The following NARS2 variants were observed in gnomAD, a reference collection of about 807,000 sequenced individuals.
NARS2 encodes asparaginyl-tRNA synthetase.
A neutral mutation model predicts 62.9 loss-of-function variants in NARS2; 60 were observed. The ratio of observed to expected loss-of-function variants is 0.95; its 90% confidence interval spans 0.77 to 1.18. The LOEUF (loss-of-function observed/expected upper bound fraction) is 1.18. Ranked by LOEUF, NARS2 falls within the 50% of genes most tolerant of loss-of-function variation. NARS2 has a pLI of 0.00. For missense variants in NARS2, 619 were observed against 576.4 expected (o/e 1.07, Z -0.76); for synonymous variants, 196 against 200.0 (o/e 0.98, Z 0.17).
At chr11:78,450,662 TTGTC>T (rs1305585801) in intron 11 of NARS2, among the ~76,000 whole-genome samples, 7 of 147,844 alleles carry the variant, frequency 4.7e-5, no homozygotes, top group Non-Finnish European at 5.9e-5. Flanking sequence ...CACAAAAGCC[TTGTC>T]TTTTTTTTTT....
At chr11:78,515,489 T>C (rs1176152213) in intron 6 of NARS2, among the ~76,000 whole-genome samples, 1 of 152,176 alleles carries the variant, frequency 6.6e-6, no homozygotes, top group African/African-American at 2.4e-5. Flanking sequence ...TATACAACTT[T>C]GTGATCATAG....
At chr11:78,482,663 AC>A (rs2135281863) in intron 7 of NARS2, among the ~76,000 whole-genome samples, 1 of 152,328 alleles carries the variant, frequency 6.6e-6, no homozygotes, top group South Asian at 2.1e-4. Flanking sequence ...AAATTCCTGG[AC>A]ATATACGCCC....
At chr11:78,512,160 T>C (rs1860743914) in intron 6 of NARS2, among the ~76,000 whole-genome samples, 1 of 152,246 alleles carries the variant, frequency 6.6e-6, no homozygotes, top group Non-Finnish European at 1.5e-5. Context: ...GTCTTCAAAC[T>C]CTGACAGTTA....
intron 7 of NARS2, among the ~76,000 whole-genome samples, chr11:78,487,430 G>A (rs1407189304): frequency 1.3e-5 from 2 of 151,270 alleles, no homozygotes; most frequent in South Asian, 2.2e-4. Flanking sequence ...AGACAGACTC[G>A]TTAATAATAA....
At chr11:78,437,230 G>C (rs1054337167) in intron 13 of NARS2, among the ~76,000 whole-genome samples, 1 of 152,142 alleles carries the variant, frequency 6.6e-6, no homozygotes, top group Non-Finnish European at 1.5e-5. Context: ...AATACACAGA[G>C]GAGAGTGCAG....
At chr11:78,547,434 G>T (rs185536849) in intron 5 of NARS2, among the ~76,000 whole-genome samples, 82 of 152,260 alleles carry the variant, frequency 5.4e-4, no homozygotes, top group Admixed American at 1.4e-3. Context: ...ATCAGTAAAA[G>T]AATAGGTTAA....
chr11:78,444,729 A>AAC lies in NARS2; in HGVS notation c.1165-972_1165-971insGT, dbSNP rs202154171. On this transcript the variant is annotated intron_variant, in intron 11 of 13. Coordinates refer to ENST00000281038, the MANE Select transcript of NARS2 (RefSeq NM_024678.6). Reference sequence around the variant, plus strand: ...GCAAGACTCTGTCTCAAACAAAACAAAAAAAAAAAAAAGGGTGATAAGAAA... The same window carrying AAC: ...GCAAGACTCTGTCTCAAACAAAACAAACAAAAAAAAAAAAGGGTGATAAGAAA... 5.4e-4 allele frequency among the ~76,000 whole-genome samples: 79 copies of AAC among 146,338 alleles called. 1 individual carries two copies. The highest frequency in any genetic ancestry group is 1.9e-3 in the African/African-American group (75 of 38,722).
chr11:78,534,395 A>G (rs1424721836), intron 5 of NARS2, among the ~76,000 whole-genome samples: 1 of 152,174 alleles, frequency 6.6e-6, no homozygotes, highest in Non-Finnish European at 1.5e-5. Context: ...TGGTTCATAC[A>G]CTACTACCTT....
intron 2 of NARS2, among the ~76,000 whole-genome samples, chr11:78,570,663 G>A (rs186696217): frequency 4.6e-5 from 7 of 152,316 alleles, no homozygotes; most frequent in South Asian, 2.1e-4. Context: ...CTACAGGCGT[G>A]AGCCACCACG....
At chr11:78,480,694 TG>T (rs11347548) in intron 7 of NARS2, among the ~76,000 whole-genome samples, 52,612 of 149,578 alleles carry the variant, frequency 0.35, 12,297 homozygotes, top group African/African-American at 0.66. Context: ...ACAACTAATT[TG>T]GGGGGGGTGG....
chr11:78,500,145 A>C (rs908161149), intron 6 of NARS2, among the ~76,000 whole-genome samples: 3 of 152,224 alleles, frequency 2.0e-5, no homozygotes, highest in Non-Finnish European at 4.4e-5. Context: ...AACTATCAAC[A>C]ATTTCCTGGA....
At chr11:78,516,479 G>A (rs1860914910) in intron 6 of NARS2, among the ~76,000 whole-genome samples, 1 of 152,186 alleles carries the variant, frequency 6.6e-6, no homozygotes, top group Non-Finnish European at 1.5e-5. Flanking sequence ...CTTGACATAT[G>A]CTCTTCTTGC....
intron 11 of NARS2, among the ~76,000 whole-genome samples, chr11:78,452,536 G>A (rs1175679211): frequency 6.6e-6 from 1 of 152,040 alleles, no homozygotes; most frequent in African/African-American, 2.4e-5. Flanking sequence ...GCCTCTCTGA[G>A]TAGCTAAGAT....
intron 6 of NARS2, among the ~76,000 whole-genome samples, chr11:78,515,735 G>A (rs1860885531): frequency 6.6e-6 from 1 of 151,814 alleles, no homozygotes; most frequent in East Asian, 1.9e-4. Flanking sequence ...CTATTGTCCA[G>A]TCTAGTCTCA....
chr11:78,447,260 TCTC>T (rs577796488), intron 11 of NARS2, among the ~76,000 whole-genome samples: 1 of 151,956 alleles, frequency 6.6e-6, no homozygotes, highest in Admixed American at 6.6e-5. Flanking sequence ...GTTCAAGCGA[TCTC>T]CTGCCTCAGC....
At chr11:78,455,393 A>C (rs1858122827) in intron 11 of NARS2, among the ~76,000 whole-genome samples, 1 of 152,224 alleles carries the variant, frequency 6.6e-6, no homozygotes, top group South Asian at 2.1e-4. Flanking sequence ...GTAAACTTAA[A>C]GTATAAAATA....
intron 6 of NARS2, among the ~76,000 whole-genome samples, chr11:78,504,450 T>TC: frequency 6.6e-6 from 1 of 151,708 alleles, no homozygotes; most frequent in East Asian, 1.9e-4. Flanking sequence ...TTTTTTTTTT[T>TC]TTTTTTCTGT....
intron 6 of NARS2, among the ~76,000 whole-genome samples, chr11:78,509,088 G>C (rs979973830): frequency 6.8e-6 from 1 of 146,786 alleles, no homozygotes; most frequent in East Asian, 2.0e-4. Flanking sequence ...CTGGGCAACA[G>C]AGTGAGACTC....
chr11:78,545,572 T>C (rs1010440421), intron 5 of NARS2, among the ~76,000 whole-genome samples: 2 of 149,424 alleles, frequency 1.3e-5, no homozygotes, highest in African/African-American at 5.0e-5. Flanking sequence ...TCACCCAGAC[T>C]GTAGTGCAGT....
Sources: allele counts gnomAD v4.1 joint callset (sites outside exome capture counted in the v4.1 genomes callset), GRCh38; gene constraint gnomAD v4.1.1; transcripts MANE v1.5; gene names NCBI Gene and HGNC (gene_info 2026-07-23, HGNC 2026-07-21).